GFRA1: variants seen among roughly 807,000 people sequenced by gnomAD.
GFRA1 encodes the protein GDNF family receptor alpha-1.
In GFRA1, 16 loss-of-function variants were observed where a neutral mutation model predicts 51.6. That is an observed-to-expected ratio of 0.31 (90% CI 0.21 to 0.47). The LOEUF (loss-of-function observed/expected upper bound fraction) is 0.47. Ranked by LOEUF, GFRA1 falls within the 20% of genes least tolerant of loss-of-function variation. The pLI, the probability that GFRA1 is intolerant of heterozygous loss-of-function variation, is 1.00. For missense variants in GFRA1, 530 were observed against 594.3 expected, an observed-to-expected ratio of 0.89 and a Z score of 1.13; for synonymous variants, 270 against 241.3, an observed-to-expected ratio of 1.12 and a Z score of -1.10.
At position 116,108,018 on chromosome 10, in the gene GFRA1, A is replaced by G. The variant is rs146454176; in HGVS notation, c.771-11254T>C. Among the ~76,000 whole-genome samples the G allele has an allele frequency of 6.3e-3, 960 of 151,450 alleles. 12 individuals are homozygous for G. Among genetic ancestry groups the G allele is most frequent in the African/African-American group, 0.022 (924 of 41,262 alleles). On this transcript the variant is annotated intron_variant, in intron 6 of 10. Coordinates refer to ENST00000355422, the MANE Select transcript of GFRA1 (RefSeq NM_005264.8). ...GCCTTGGAATATTAATTTACCTTCC[A>G]CTCATTAAAGGAGCCTAGTTTCTGA...
intron 5 of GFRA1, among the ~76,000 whole-genome samples, chr10:116,167,129 T>C (rs1189570800): frequency 1.3e-5 from 2 of 152,092 alleles, no homozygotes; most frequent in African/African-American, 2.4e-5. Flanking sequence ...CAAATCCAAC[T>C]GTGTCTTCTC....
At chr10:116,248,301 C>A (rs1968034282) in intron 4 of GFRA1, among the ~76,000 whole-genome samples, 1 of 152,142 alleles carries the variant, frequency 6.6e-6, no homozygotes, top group Non-Finnish European at 1.5e-5. Context: ...GAGGCCTGCA[C>A]CCACTAGACC....
intron 4 of GFRA1, among the ~76,000 whole-genome samples, chr10:116,244,183 G>A (rs117974408): frequency 4.2e-5 from 6 of 144,394 alleles, no homozygotes; most frequent in Middle Eastern, 3.6e-3. Flanking sequence ...GATCTATTAC[G>A]GATCTATTGA....
intron 4 of GFRA1, among the ~76,000 whole-genome samples, chr10:116,251,471 T>A (rs1968356316): frequency 6.6e-6 from 1 of 151,972 alleles, no homozygotes; most frequent in Non-Finnish European, 1.5e-5. Context: ...GCACAAAATG[T>A]GTGAGGTTGC....
intron 6 of GFRA1, among the ~76,000 whole-genome samples, chr10:116,104,477 G>C (rs929650343): frequency 2.0e-5 from 3 of 152,158 alleles, no homozygotes; most frequent in Non-Finnish European, 4.4e-5. Flanking sequence ...GACTCACAGG[G>C]GCTCTGGCAA....
intron 5 of GFRA1, among the ~76,000 whole-genome samples, chr10:116,203,584 G>A (rs1241634277): frequency 1.3e-5 from 2 of 152,168 alleles, no homozygotes; most frequent in East Asian, 3.9e-4. Context: ...TGGCACATGG[G>A]CACCAGCCCA....
chr10:116,243,923 A>G (rs1284174090), intron 4 of GFRA1, among the ~76,000 whole-genome samples: 1 of 152,198 alleles, frequency 6.6e-6, no homozygotes, highest in Non-Finnish European at 1.5e-5. Context: ...TGAAGCTTGT[A>G]AGAGTGGGGT....
chr10:116,217,286 A>G (rs567899494), intron 4 of GFRA1, among the ~76,000 whole-genome samples: 151 of 152,334 alleles, frequency 9.9e-4, no homozygotes, highest in Non-Finnish European at 1.7e-3. Flanking sequence ...ATCACTCAAC[A>G]TATTGTAGCT....
intron 4 of GFRA1, among the ~76,000 whole-genome samples, chr10:116,267,553 T>G (rs1969761018): frequency 6.6e-6 from 1 of 152,148 alleles, no homozygotes; most frequent in South Asian, 2.1e-4. Flanking sequence ...CTTGCCTGCT[T>G]TCTCACTATC....
At chr10:116,230,430 C>A (rs1966604435) in intron 4 of GFRA1, among the ~76,000 whole-genome samples, 2 of 152,238 alleles carry the variant, frequency 1.3e-5, no homozygotes, top group African/African-American at 2.4e-5. Context: ...CCAAGCTCTT[C>A]TCACTATGTT....
At chr10:116,165,221 C>G (rs1411078554) in intron 5 of GFRA1, among the ~76,000 whole-genome samples, 1 of 152,124 alleles carries the variant, frequency 6.6e-6, no homozygotes, top group African/African-American at 2.4e-5. Flanking sequence ...CCAAACACAG[C>G]TCAGGAATGC....
chr10:116,110,066 C>T (rs148670921), intron 6 of GFRA1, among the ~76,000 whole-genome samples: 428 of 152,324 alleles, frequency 2.8e-3, no homozygotes, highest in Admixed American at 6.5e-3. Context: ...CTCTCTCCAA[C>T]CACAGCCCTG....
chr10:116,173,620 C>T (rs542685701), intron 5 of GFRA1, among the ~76,000 whole-genome samples: 1 of 152,138 alleles, frequency 6.6e-6, no homozygotes, highest in Non-Finnish European at 1.5e-5. Context: ...ACTATAACTC[C>T]CAAGGGATTC....
At chr10:116,148,067 C>CAT (rs1368110140) in intron 5 of GFRA1, among the ~76,000 whole-genome samples, 2 of 66,482 alleles carry the variant, frequency 3.0e-5, no homozygotes, top group African/African-American at 1.3e-4. Flanking sequence ...TGTGTGCATG[C>CAT]GTGTGTGCAT....
intron 9 of GFRA1, among the ~76,000 whole-genome samples, chr10:116,068,887 G>A (rs1463899430): frequency 6.6e-6 from 1 of 152,174 alleles, no homozygotes; most frequent in Non-Finnish European, 1.5e-5. Context: ...CTCAGTTGCT[G>A]CAAATTGGGA....
At chr10:116,264,541 A>G (rs1969520071) in intron 4 of GFRA1, among the ~76,000 whole-genome samples, 1 of 152,236 alleles carries the variant, frequency 6.6e-6, no homozygotes, top group African/African-American at 2.4e-5. Context: ...TAAAGGCAAG[A>G]GCACGATGGA....
intron 4 of GFRA1, among the ~76,000 whole-genome samples, chr10:116,218,914 A>G (rs1478637730): frequency 6.6e-6 from 1 of 152,068 alleles, no homozygotes; most frequent in Non-Finnish European, 1.5e-5. Flanking sequence ...ACCTTTTATC[A>G]TATTAGAAAT....
At chr10:116,145,352 AG>A (rs956832482) in intron 5 of GFRA1, among the ~76,000 whole-genome samples, 26 of 152,180 alleles carry the variant, frequency 1.7e-4, no homozygotes, top group African/African-American at 6.3e-4. Context: ...TCAATAAAAA[AG>A]ACTGTCAAGC....
intron 4 of GFRA1, among the ~76,000 whole-genome samples, chr10:116,249,711 T>C (rs1478516459): frequency 6.6e-6 from 1 of 152,194 alleles, no homozygotes; most frequent in Non-Finnish European, 1.5e-5. Context: ...ATGCATTTGT[T>C]CACTCATTCA....
Sources: gnomAD v4.1 joint callset for allele counts (sites outside exome capture counted in the v4.1 genomes callset) on GRCh38, gnomAD v4.1.1 for gene constraint, MANE v1.5 for transcripts, NCBI Gene and HGNC (gene_info 2026-07-23, HGNC 2026-07-21) for gene names.